Variants in CHRNA6 observed in about 807,000 individuals in gnomAD.
CHRNA6 encodes the protein cholinergic receptor nicotinic alpha 6 subunit.
In CHRNA6, 31 loss-of-function variants were observed where a neutral mutation model predicts 40.9. The observed-to-expected ratio is 0.76, with a 90% CI of 0.57 to 1.02. CHRNA6 has a LOEUF of 1.02. CHRNA6 is among the 50% of genes least tolerant of loss of function. CHRNA6 has a pLI of 0.00. For missense variants in CHRNA6, 546 were observed against 596.6 expected (o/e 0.92, Z 0.88); for synonymous variants, 222 against 221.3 (o/e 1.00, Z -0.03).
chr8:42,756,485 T>A lies in CHRNA6; in HGVS notation c.714A>T (p.Arg238Ser). Residue 238 changes from arginine (R) to serine (S), a missense_variant, in exon 5 of 6, where the codon AGA becomes AGT. By Grantham distance (110) the Arg-to-Ser change is moderately radical (BLOSUM62 -1). This residue lies in a region of CHRNA6 where 476 missense variants were observed against 494.5 expected (regional missense o/e 0.96). Transcript: ENST00000276410. Reference sequence around the variant, plus strand: ...GATTAATCGTGTAAAACATCGGCAATCTTCTAATGTAGAAAGAATAGGTTA... The same window carrying A: ...GATTAATCGTGTAAAACATCGGCAAACTTCTAATGTAGAAAGAATAGGTTA... ...TDITYSFYIR[R>S]LPMFYTINLI... 1 of 1,614,170 alleles carries A rather than the reference T, an allele frequency of 6.2e-7. No homozygotes were observed. The highest frequency in any genetic ancestry group is 8.5e-7 in the Non-Finnish European group (1 of 1,180,012).
At chr8:42,755,438 G>A (rs1310011535) in intron 5 of CHRNA6, among the ~76,000 whole-genome samples, 3 of 152,068 alleles carry the variant, frequency 2.0e-5, no homozygotes, top group Non-Finnish European at 4.4e-5. Flanking sequence ...CACTATGCCT[G>A]GCTAATTTTT....
At chr8:42,754,137 G>A (rs1027154495) in intron 5 of CHRNA6, among the ~76,000 whole-genome samples, 6 of 152,028 alleles carry the variant, frequency 3.9e-5, no homozygotes, top group Non-Finnish European at 5.9e-5. Flanking sequence ...TGTCTTGAGA[G>A]CCCTAACTGG....
At position 42,765,053 on chromosome 8, in the gene CHRNA6, G is replaced by A. The variant is rs1389728318; in HGVS notation, c.219+12C>T. 1.1e-5 allele frequency: 18 copies of A among 1,613,628 alleles called. No individual in the cohort carries two copies. The highest frequency in any genetic ancestry group is 1.5e-5 in the Non-Finnish European group (18 of 1,179,766). On this transcript the variant is annotated intron_variant, in intron 2 of 5. Coordinates refer to ENST00000276410, the MANE Select transcript of CHRNA6 (RefSeq NM_004198.3). ...ACAATGCTGGGGAAAGCTCTGATCA[G>A]AGGGCACTCACCACGTTGGCCAGCT...
chr8:42,764,925 C>T (rs1209243082), intron 2 of CHRNA6, 140 bp downstream of exon 2: 10 of 877,904 alleles, frequency 1.1e-5, no homozygotes, highest in Non-Finnish European at 1.7e-5. Flanking sequence ...GGTGGGAAAA[C>T]TGCCTGCCTC....
chr8:42,764,421 G>A (rs906015674), intron 2 of CHRNA6, among the ~76,000 whole-genome samples: 1 of 151,764 alleles, frequency 6.6e-6, no homozygotes, highest in Non-Finnish European at 1.5e-5. Flanking sequence ...TTGACCTCCT[G>A]GGCTCAAGCA....
intron 3 of CHRNA6, among the ~76,000 whole-genome samples, chr8:42,757,501 G>A (rs1163829060): frequency 3.3e-5 from 5 of 150,866 alleles, no homozygotes; most frequent in East Asian, 3.9e-4. Flanking sequence ...GAGGTGAGCG[G>A]ATCACTAGGT....
intron 2 of CHRNA6, among the ~76,000 whole-genome samples, chr8:42,763,159 G>A (rs909863765): frequency 2.0e-5 from 3 of 152,164 alleles, no homozygotes; most frequent in Admixed American, 1.3e-4. Flanking sequence ...AACACTGAGG[G>A]AAGAAGCCAC....
At chr8:42,766,441 A>G (rs1287728228) in intron 1 of CHRNA6, among the ~76,000 whole-genome samples, 1 of 152,222 alleles carries the variant, frequency 6.6e-6, no homozygotes, top group East Asian at 1.9e-4. Flanking sequence ...GCAGTGAGCC[A>G]ACATCGTGCC....
chr8:42,753,086 T>C lies in CHRNA6; in HGVS notation c.*93A>G, dbSNP rs1563622665. 4.1e-6 allele frequency: 5 copies of C among 1,227,850 alleles called. No individual in the cohort carries two copies. Among genetic ancestry groups the C allele is most frequent in the Middle Eastern group, 2.3e-4 (1 of 4,294 alleles). 76.1% of individuals were successfully genotyped at this position (1,227,850 alleles called of 1,614,324 possible). On this transcript the variant is annotated 3_prime_UTR_variant, in exon 6 of 6. Transcript: ENST00000276410. ...CATCAGTTTTAGCAGATGGGGGACT[T>C]GGGTGGGAAGCCTTTGCTTTCCTTT...
At chr8:42,761,671 C>G (rs916236611) in intron 2 of CHRNA6, among the ~76,000 whole-genome samples, 6 of 152,366 alleles carry the variant, frequency 3.9e-5, no homozygotes, top group African/African-American at 1.4e-4. Context: ...GTCATACTCT[C>G]TCTCCATCCA....
Position 42,756,435 on chromosome 8 carries a change from GAAATA to G in CHRNA6, c.759_763del (p.Phe256AsnfsTer13). On this transcript the variant is annotated frameshift_variant, in exon 5 of 6. Transcript: ENST00000276410. LOFTEE classifies it high-confidence loss of function. ...GTAAAAGACCAACACGGTTAGAAAT[GAAATA>G]AAGAGACAAGGGATGATCAGATTAA... is the stretch of plus-strand genomic sequence containing the variant. The G allele has an allele frequency of 6.2e-7, 1 of 1,614,224 alleles. No individual in the cohort carries two copies.
intron 1 of CHRNA6, among the ~76,000 whole-genome samples, chr8:42,767,950 T>C (rs990557066): frequency 6.6e-6 from 1 of 152,186 alleles, no homozygotes; most frequent in African/African-American, 2.4e-5. Context: ...CAAACAAACA[T>C]GATTACCTAC....
At position 42,765,129 on chromosome 8, in the gene CHRNA6, A is replaced by C. The variant is rs1181599970; in HGVS notation, c.155T>G (p.Val52Gly). ...FSHYNQFIRP[V>G]ENVSDPVTVH... ...CGTGACAGGGTCGGAAACGTTTTCC[A>C]CAGGCCTGATGAACTGGTTGTAATG... The change falls in exon 2 of 6, where the codon GTG becomes GGG. Residue 52 changes from valine to glycine, a missense_variant. By Grantham distance (109) the Val-to-Gly change is moderately radical. This residue lies in a region of CHRNA6 where 476 missense variants were observed against 494.5 expected (regional missense o/e 0.96). Transcript: ENST00000276410. The C allele has an allele frequency of 6.2e-7, 1 of 1,614,030 alleles. No homozygotes were observed. The highest frequency in any genetic ancestry group is 1.3e-5 in the African/African-American group (1 of 74,932).
rs751006519 is a variant in CHRNA6 at position 42,756,791 on chromosome 8, T to G, written c.408A>C (p.Thr136=). The G allele has an allele frequency of 3.1e-6, 5 of 1,607,968 alleles. No homozygotes were observed. The highest frequency in any genetic ancestry group is 4.2e-6 in the Non-Finnish European group (5 of 1,178,514). ...TGCCATTGTATTTAAGAAGAGCTTTTGTTTTGCCTTCTACTTGGAAGTCAC... is the reference window on the plus strand; with the variant it reads ...TGCCATTGTATTTAAGAAGAGCTTTGGTTTTGCCTTCTACTTGGAAGTCAC... ...AVGDFQVEGK[T]KALLKYNGMI... The change falls in exon 5 of 6, where the codon ACA becomes ACC. Residue 136 remains threonine (T), a synonymous_variant. Coordinates refer to ENST00000276410, the MANE Select transcript of CHRNA6 (RefSeq NM_004198.3).
chr8:42,766,716 C>T (rs865977799), intron 1 of CHRNA6, among the ~76,000 whole-genome samples: 2 of 152,210 alleles, frequency 1.3e-5, no homozygotes, highest in South Asian at 2.1e-4. Context: ...GGGAGGGGAA[C>T]ACCACACACT....
intron 5 of CHRNA6, 42 bp downstream of exon 5, chr8:42,755,804 C>A (rs1423809938): frequency 6.3e-7 from 1 of 1,579,724 alleles, no homozygotes. Context: ...CCATAGGCTG[C>A]AAAGGGTGCA....
At chr8:42,762,206 C>T (rs1292103590) in intron 2 of CHRNA6, among the ~76,000 whole-genome samples, 1 of 152,224 alleles carries the variant, frequency 6.6e-6, no homozygotes, top group Non-Finnish European at 1.5e-5. Context: ...CCTGACAACA[C>T]ACAGCTATTG....
intron 2 of CHRNA6, among the ~76,000 whole-genome samples, chr8:42,761,261 T>C (rs973036320): frequency 6.6e-6 from 1 of 152,246 alleles, no homozygotes; most frequent in African/African-American, 2.4e-5. Flanking sequence ...AAAGAAATTA[T>C]CTGTGCTTAT....
chr8:42,756,984 C>G lies in CHRNA6; in HGVS notation c.318G>C (p.Glu106Asp). 1 of 1,614,028 alleles carries G rather than the reference C, an allele frequency of 6.2e-7. No homozygotes were observed. Among genetic ancestry groups the G allele is most frequent in the Non-Finnish European group, 8.5e-7 (1 of 1,179,862 alleles). ...TCTTATCTGCAGGAACGCGAAGAGT[C>G]TCAATGCCATCATATTCCATTGGAT... is the stretch of plus-strand genomic sequence containing the variant. ...RWDPMEYDGI[E>D]TLRVPADKIW... Residue 106 changes from glutamate (E) to aspartate (D), a missense_variant, in exon 4 of 6, where the codon GAG becomes GAC. This residue lies in a region of CHRNA6 where 476 missense variants were observed against 494.5 expected (regional missense o/e 0.96). Transcript: ENST00000276410.
Sources: gnomAD v4.1 joint callset for allele counts (sites outside exome capture counted in the v4.1 genomes callset) on GRCh38, gnomAD v4.1.1 for gene constraint, gnomAD v4.1.1 regional missense constraint, MANE v1.5 for transcripts, NCBI Gene and HGNC (gene_info 2026-07-23, HGNC 2026-07-21) for gene names.